Variants in SAMD5 observed in about 807,000 individuals in gnomAD.
The protein encoded by SAMD5 is sterile alpha motif domain containing 5, also known as sterile alpha motif domain-containing protein 5.
A neutral mutation model predicts 11.3 loss-of-function variants in SAMD5; 13 were observed. That is an observed-to-expected ratio of 1.15 (90% confidence interval 0.75 to 1.83). The LOEUF is 1.83. Among genes scored for constraint, SAMD5 ranks in the 40% most tolerant of loss-of-function variants. SAMD5 has a pLI of 0.00. For missense variants in SAMD5, 255 were observed against 239.1 expected, an observed-to-expected ratio of 1.07 and a Z score of -0.44; for synonymous variants, 129 against 111.3, an observed-to-expected ratio of 1.16 and a Z score of -1.00.
At chr6:147,596,635 G>A (rs1293359440) in intron 1 of SAMD5, among the ~76,000 whole-genome samples, 2 of 152,072 alleles carry the variant, frequency 1.3e-5, no homozygotes, top group Non-Finnish European at 1.5e-5. Context: ...TTAATGAGCT[G>A]TTACCAAAAA....
intron 1 of SAMD5, among the ~76,000 whole-genome samples, chr6:147,721,780 C>A (rs1184374691): frequency 1.3e-5 from 2 of 152,062 alleles, no homozygotes; most frequent in African/African-American, 4.8e-5. Flanking sequence ...TCAATTTAAG[C>A]CAATTGTGTT....
chr6:147,827,843 G>GCACT, the SAMD5 span, among the ~76,000 whole-genome samples: 3 of 151,770 alleles, frequency 2.0e-5, no homozygotes, highest in Non-Finnish European at 2.9e-5. Flanking sequence ...AGGCTGGAGT[G>GCACT]CAGTGGCGCG....
At chr6:147,578,879 C>A (rs1257614067) in intron 1 of SAMD5, among the ~76,000 whole-genome samples, 2 of 152,168 alleles carry the variant, frequency 1.3e-5, no homozygotes, top group Admixed American at 1.3e-4. Flanking sequence ...GTTTGAATTT[C>A]ATTCTGCCAC....
chr6:147,837,240 G>T, the SAMD5 span, among the ~76,000 whole-genome samples: 1 of 152,028 alleles, frequency 6.6e-6, no homozygotes, highest in East Asian at 1.9e-4. Flanking sequence ...CCTTCTCAAA[G>T]CTTCTTCTTA....
chr6:147,547,554 G>C (rs1468676267), intron 1 of SAMD5, among the ~76,000 whole-genome samples: 2 of 152,222 alleles, frequency 1.3e-5, no homozygotes, highest in Admixed American at 1.3e-4. Context: ...TGGTGGGTTG[G>C]ATCTTCGCAG....
the SAMD5 span, among the ~76,000 whole-genome samples, chr6:147,812,740 T>C: frequency 6.6e-6 from 1 of 152,140 alleles, no homozygotes; most frequent in African/African-American, 2.4e-5. Context: ...GATAACTCTG[T>C]TGAATGAGAA....
At chr6:147,843,933 C>G in the SAMD5 span, among the ~76,000 whole-genome samples, 3 of 152,084 alleles carry the variant, frequency 2.0e-5, no homozygotes, top group Non-Finnish European at 4.4e-5. Context: ...TTGGTCTGGA[C>G]AGTGATTTCT....
chr6:147,868,022 G>A, the SAMD5 span, among the ~76,000 whole-genome samples: 2 of 152,240 alleles, frequency 1.3e-5, no homozygotes, highest in South Asian at 4.1e-4. Flanking sequence ...AATTCTTTAT[G>A]TTGCAAGAGG....
At chr6:147,592,609 A>G (rs1403428902) in intron 1 of SAMD5, among the ~76,000 whole-genome samples, 3 of 152,052 alleles carry the variant, frequency 2.0e-5, no homozygotes, top group African/African-American at 7.2e-5. Flanking sequence ...GCCTAGGTTC[A>G]TGTGTTAATA....
At chr6:147,790,798 CTCTCTCTCTCT>C in the SAMD5 span, among the ~76,000 whole-genome samples, 1 of 118,210 alleles carries the variant, frequency 8.5e-6, no homozygotes, top group Non-Finnish European at 1.7e-5. Flanking sequence ...CTCTCTCTCT[CTCTCTCTCTCT>C]CTCTCTCTCT....
intron 1 of SAMD5, among the ~76,000 whole-genome samples, chr6:147,626,724 C>A (rs114532257): frequency 7.2e-6 from 1 of 138,488 alleles, no homozygotes; most frequent in African/African-American, 2.7e-5. Flanking sequence ...AAGGCCAAGA[C>A]GGCAGGGTCG....
chr6:147,842,167 G>A, the SAMD5 span, among the ~76,000 whole-genome samples: 1 of 151,922 alleles, frequency 6.6e-6, no homozygotes, highest in African/African-American at 2.4e-5. Context: ...AAAAATTAAC[G>A]ACTGTTTTCA....
chr6:147,537,895 A>G (rs1373511498), intron 1 of SAMD5, among the ~76,000 whole-genome samples: 1 of 152,210 alleles, frequency 6.6e-6, no homozygotes, highest in Non-Finnish European at 1.5e-5. Context: ...TACCCAAAGG[A>G]GAAAATAAAA....
Position 147,509,175 on chromosome 6 carries a change from C to G in SAMD5, c.247C>G (p.Pro83Ala). 1 of 1,301,614 alleles carries G rather than the reference C, an allele frequency of 7.7e-7. No individual in the cohort carries two copies. The highest frequency in any genetic ancestry group is 3.2e-5 in the East Asian group (1 of 31,562). 80.6% of individuals were successfully genotyped at this position (1,301,614 alleles called of 1,614,324 possible). Reference sequence around the variant, plus strand: ...CACGCTTGAGCCGCAGCCGGCGCCCCCCGGGCCGCCCGCCGACGCCGTCCC... The same window carrying G: ...CACGCTTGAGCCGCAGCCGGCGCCCGCCGGGCCGCCCGCCGACGCCGTCCC... The part of the protein sequence containing the change: ...YFTLEPQPAP[P>A]GPPADAVPTG... The change falls in exon 1 of 2, where the codon CCC (proline) becomes GCC (alanine). Residue 83 changes from proline (P) to alanine (A), a missense_variant. Transcript: ENST00000367474.
At chr6:147,694,821 A>G (rs1791153110) in intron 1 of SAMD5, among the ~76,000 whole-genome samples, 1 of 152,206 alleles carries the variant, frequency 6.6e-6, no homozygotes, top group African/African-American at 2.4e-5. Flanking sequence ...GTTATAAAAA[A>G]TCACATAGGA....
chr6:147,760,293 T>TCTC, the SAMD5 span, among the ~76,000 whole-genome samples: 1 of 152,294 alleles, frequency 6.6e-6, no homozygotes, highest in South Asian at 2.1e-4. Flanking sequence ...TGTTTGGATG[T>TCTC]CTCCTAACAA....
chr6:147,634,660 A>C (rs569820671), intron 1 of SAMD5, among the ~76,000 whole-genome samples: 1 of 152,288 alleles, frequency 6.6e-6, no homozygotes, highest in Admixed American at 6.5e-5. Flanking sequence ...ACTAGAGTAC[A>C]ACTATTTTGA....
At chr6:147,530,498 G>A (rs546908501) in intron 1 of SAMD5, among the ~76,000 whole-genome samples, 2 of 152,324 alleles carry the variant, frequency 1.3e-5, no homozygotes, top group South Asian at 2.1e-4. Context: ...TGCCCTCTGG[G>A]GCCAACCAGC....
chr6:147,813,198 A>T, the SAMD5 span, among the ~76,000 whole-genome samples: 2 of 152,254 alleles, frequency 1.3e-5, no homozygotes. Flanking sequence ...GTAGAGATAC[A>T]CGAGAGTAGG....
Sources: gnomAD v4.1 joint callset for allele counts (sites outside exome capture counted in the v4.1 genomes callset) on GRCh38, gnomAD v4.1.1 for gene constraint, MANE v1.5 for transcripts, NCBI Gene and HGNC (gene_info 2026-07-23, HGNC 2026-07-21) for gene names.